The following FAM169A variants were observed in gnomAD, a reference collection of about 807,000 sequenced individuals.
FAM169A encodes the protein soluble lamin-associated protein of 75 kDa.
In FAM169A, 24 loss-of-function variants were observed where a neutral mutation model predicts 75.7. The ratio of observed to expected loss-of-function variants is 0.32; its 90% confidence interval spans 0.23 to 0.45. The LOEUF is 0.45. Ranked by LOEUF, FAM169A falls within the 20% of genes least tolerant of loss-of-function variation. The probability of loss-of-function intolerance (pLI) is 1.00; values close to 1 mark genes in which losing one functional copy is unlikely to be tolerated. For synonymous variants in FAM169A, 271 were observed against 271.0 expected, an observed-to-expected ratio of 1.00 and a Z score of 0.00; for missense variants, 673 against 784.0, an observed-to-expected ratio of 0.86 and a Z score of 1.69.
rs1191026014 is a variant in FAM169A at position 74,781,419 on chromosome 5, T to G, written c.*41A>C. The stretch of plus-strand genomic sequence containing the variant: ...TACCATATTTTAAAAACAACAACTA[T>G]GTTACAAAGAAGAGGATTTATCATC... On this transcript the variant is annotated 3_prime_UTR_variant, in exon 13 of 13. Coordinates refer to ENST00000687041, the MANE Select transcript of FAM169A (RefSeq NM_001376049.1). 1.3e-6 allele frequency: 2 copies of G among 1,561,808 alleles called. No individual in the cohort carries two copies.
At chr5:74,850,616 C>T (rs1182262673) in intron 1 of FAM169A, among the ~76,000 whole-genome samples, 1 of 152,100 alleles carries the variant, frequency 6.6e-6, no homozygotes, top group Non-Finnish European at 1.5e-5. Context: ...GGCAAATTAC[C>T]TGAACATACA....
rs146415196 is a variant in FAM169A, at chr5:74,841,562, A to G, written c.115T>C (p.Ser39Pro). ...CGDPENPECF[S>P]LLNITIPISL... ...CACCTTACCGTAATATTGAGAAGAGAAAAACACTCTGGATTTTCAGGGTCC... is the reference window on the plus strand; with the variant it reads ...CACCTTACCGTAATATTGAGAAGAGGAAAACACTCTGGATTTTCAGGGTCC... Residue 39 changes from serine to proline, a missense_variant, in exon 2 of 13, where the codon TCT (serine) becomes CCT (proline). By Grantham distance (74) the Ser-to-Pro change is moderately conservative (BLOSUM62 -1). This residue lies in a region of FAM169A where 56 missense variants were observed against 52.2 expected (regional missense o/e 1.07). Transcript: ENST00000687041. 1.4e-4 allele frequency: 218 copies of G among 1,613,046 alleles called. No individual in the cohort carries two copies. The highest frequency in any genetic ancestry group is 1.8e-4 in the Non-Finnish European group (212 of 1,179,400).
At chr5:74,839,562 T>C (rs1294339361) in intron 3 of FAM169A, among the ~76,000 whole-genome samples, 3 of 151,366 alleles carry the variant, frequency 2.0e-5, no homozygotes, top group Admixed American at 6.6e-5. Flanking sequence ...TTCACTCTTA[T>C]TGTCCAGGCT....
intron 10 of FAM169A, among the ~76,000 whole-genome samples, chr5:74,796,550 ACCTGCCAT>A (rs1460231757): frequency 1.3e-5 from 2 of 151,944 alleles, no homozygotes; most frequent in Admixed American, 6.6e-5. Context: ...GACTACAGGC[ACCTGCCAT>A]CACGCTCAGC....
At chr5:74,811,758 A>G (rs1430663430) in intron 6 of FAM169A, among the ~76,000 whole-genome samples, 1 of 152,382 alleles carries the variant, frequency 6.6e-6, no homozygotes, top group South Asian at 2.1e-4. Flanking sequence ...TCACCAAGTG[A>G]TATGTCCATA....
chr5:74,825,050 G>A (rs1269485502), intron 5 of FAM169A, among the ~76,000 whole-genome samples: 2 of 151,960 alleles, frequency 1.3e-5, no homozygotes, highest in African/African-American at 4.8e-5. Context: ...AAATGCTTTT[G>A]ACAACTGAGC....
At position 74,782,947 on chromosome 5, in the gene FAM169A, A is replaced by G; in HGVS notation, c.1448T>C (p.Val483Ala). Reference protein sequence around the residue: ...LVVESSKPPEVDAPDKTPRIP... With the variant: ...LVVESSKPPEADAPDKTPRIP... ...CCCCCTTACCTTATCTGGTGCATCT[A>G]CCTCAGGGGGTTTTGAAGATTCTAC... The change falls in exon 12 of 13, where the codon GTA becomes GCA. Residue 483 changes from valine to alanine, a missense_variant. This residue lies in a region of FAM169A where 510 missense variants were observed against 550.9 expected (regional missense o/e 0.93). Coordinates refer to ENST00000687041, the MANE Select transcript of FAM169A (RefSeq NM_001376049.1). The G allele has an allele frequency of 6.2e-7, 1 of 1,612,780 alleles. No individual in the cohort carries two copies. The highest frequency in any genetic ancestry group is 1.1e-5 in the South Asian group (1 of 91,014).
intron 11 of FAM169A, among the ~76,000 whole-genome samples, chr5:74,788,360 T>C (rs755614337): frequency 6.6e-6 from 1 of 152,100 alleles, no homozygotes; most frequent in Admixed American, 6.5e-5. Context: ...GTGAGGGCTA[T>C]TATGGTGGGA....
At chr5:74,854,263 C>T (rs1473353107) in intron 1 of FAM169A, among the ~76,000 whole-genome samples, 1 of 151,986 alleles carries the variant, frequency 6.6e-6, no homozygotes, top group Non-Finnish European at 1.5e-5. Context: ...GGTATGGTGG[C>T]GGATGCCTGT....
intron 6 of FAM169A, among the ~76,000 whole-genome samples, chr5:74,808,714 A>G (rs1308973017): frequency 1.3e-5 from 2 of 152,260 alleles, no homozygotes; most frequent in South Asian, 2.1e-4. Context: ...ATATGAAACC[A>G]TAAGTAGGAA....
chr5:74,857,475 G>A lies in FAM169A; in HGVS notation c.-4+8690C>T, dbSNP rs72764689. Among the ~76,000 whole-genome samples, 728 of 150,066 alleles carry A rather than the reference G, an allele frequency of 4.9e-3. 8 individuals are homozygous for A. The highest frequency in any genetic ancestry group is 0.014 in the Middle Eastern group (4 of 288). ...CTGAGGGAGAATGGCTTGAGTCCGG[G>A]AGGCAGAGGTTGCAGGGAGGTAGAG... On this transcript the variant is annotated intron_variant, in intron 1 of 12. Transcript: ENST00000687041.
intron 10 of FAM169A, chr5:74,799,547 G>C: frequency 6.5e-7 from 1 of 1,528,678 alleles, no homozygotes; most frequent in Non-Finnish European, 9.1e-7. Context: ...AGCATGCCCT[G>C]GGACAGCAAG....
At chr5:74,838,276 T>C (rs574702414) in intron 4 of FAM169A, among the ~76,000 whole-genome samples, 2 of 152,242 alleles carry the variant, frequency 1.3e-5, no homozygotes, top group South Asian at 2.1e-4. Flanking sequence ...ACCAAGTCAG[T>C]TTCCTATTTC....
intron 4 of FAM169A, among the ~76,000 whole-genome samples, chr5:74,838,099 A>T (rs1263578246): frequency 7.0e-6 from 1 of 143,390 alleles, no homozygotes; most frequent in East Asian, 2.1e-4. Flanking sequence ...AGGCGACAAG[A>T]GCGAAACTCC....
At chr5:74,844,161 A>T (rs1749026886) in intron 1 of FAM169A, among the ~76,000 whole-genome samples, 2 of 152,204 alleles carry the variant, frequency 1.3e-5, no homozygotes, top group South Asian at 4.1e-4. Context: ...TACTCTTGAA[A>T]ATTTCCATGA....
At chr5:74,847,311 CT>C (rs1376806486) in intron 1 of FAM169A, among the ~76,000 whole-genome samples, 3 of 152,112 alleles carry the variant, frequency 2.0e-5, no homozygotes, top group East Asian at 1.9e-4. Context: ...CCACCACCCC[CT>C]GGTAACCTCT....
At chr5:74,862,133 T>C (rs1048315446) in intron 1 of FAM169A, among the ~76,000 whole-genome samples, 3 of 152,234 alleles carry the variant, frequency 2.0e-5, no homozygotes, top group African/African-American at 7.2e-5. Context: ...TTGCCAAGAT[T>C]ATCATAAAAG....
At chr5:74,831,031 C>A (rs1363172436) in intron 5 of FAM169A, among the ~76,000 whole-genome samples, 1 of 152,144 alleles carries the variant, frequency 6.6e-6, no homozygotes, top group Non-Finnish European at 1.5e-5. Context: ...TTCAACTTAA[C>A]AACCTTTCTC....
At chr5:74,799,941 A>G (rs1475123776) in intron 10 of FAM169A, 2 of 835,256 alleles carry the variant, frequency 2.4e-6, no homozygotes, top group African/African-American at 1.7e-5. Flanking sequence ...GGGCTCCAAC[A>G]TGGCTTTGAA....
Sources: allele counts gnomAD v4.1 joint callset (sites outside exome capture counted in the v4.1 genomes callset), GRCh38; gene constraint gnomAD v4.1.1; regional missense constraint gnomAD v4.1.1; transcripts MANE v1.5; gene names NCBI Gene and HGNC (gene_info 2026-07-23, HGNC 2026-07-21).